ZHX3: variants seen among roughly 807,000 people sequenced by gnomAD.
The protein encoded by ZHX3 is zinc fingers and homeoboxes 3, also known as zinc fingers and homeoboxes protein 3.
A neutral mutation model predicts 64.5 loss-of-function variants in ZHX3; 20 were observed. The ratio of observed to expected loss-of-function variants is 0.31; its 90% CI spans 0.22 to 0.45. The LOEUF (loss-of-function observed/expected upper bound fraction) is 0.45. Ranked by LOEUF, ZHX3 falls within the 20% of genes least tolerant of loss-of-function variation. The pLI, the probability that ZHX3 is intolerant of heterozygous loss-of-function variation, is 1.00. For missense variants in ZHX3, 1,041 were observed against 1,195.8 expected (o/e 0.87, Z 1.91); for synonymous variants, 423 against 461.6 (o/e 0.92, Z 1.07).
In ZHX3 at chr20:41,271,241, AT is replaced by A. The variant is rs1460290334; in HGVS notation, c.-244-2159del. Among the ~76,000 whole-genome samples, 4 of 152,068 alleles carry A rather than the reference AT, an allele frequency of 2.6e-5. No individual in the cohort carries two copies. The East Asian group carries it at 7.7e-4, about 29-fold the overall frequency. ...TCACCATGTTGGCCAGATGGTCTCG[AT>A]CTCTTGACCTCGTGATCCACCCACC... On this transcript the variant is annotated intron_variant, in intron 1 of 3. Transcript: ENST00000683867.
At chr20:41,275,346 G>A (rs186718192) in intron 1 of ZHX3, among the ~76,000 whole-genome samples, 40 of 152,262 alleles carry the variant, frequency 2.6e-4, no homozygotes, top group Admixed American at 2.2e-3. Flanking sequence ...TGCTTTGGCA[G>A]AGCATGTTAG....
chr20:41,263,695 G>A (rs1037867113), intron 2 of ZHX3, among the ~76,000 whole-genome samples: 1 of 151,956 alleles, frequency 6.6e-6, no homozygotes, highest in South Asian at 2.1e-4. Flanking sequence ...CACCACTCCC[G>A]GCTGAGGATT....
intron 2 of ZHX3, among the ~76,000 whole-genome samples, chr20:41,206,514 C>T (rs1431205961): frequency 6.6e-6 from 1 of 152,140 alleles, no homozygotes; most frequent in Non-Finnish European, 1.5e-5. Flanking sequence ...CATGCACAAG[C>T]TTCAGTAGCC....
At chr20:41,233,618 A>G (rs546489602) in intron 2 of ZHX3, among the ~76,000 whole-genome samples, 4 of 152,350 alleles carry the variant, frequency 2.6e-5, no homozygotes, top group Admixed American at 2.6e-4. Flanking sequence ...GTAGGGGAAC[A>G]TGGATAGATA....
intron 1 of ZHX3, among the ~76,000 whole-genome samples, chr20:41,292,836 A>C (rs1458882219): frequency 1.3e-5 from 2 of 152,280 alleles, no homozygotes; most frequent in African/African-American, 2.4e-5. Flanking sequence ...ACTCAAAAAA[A>C]CAGTATACAC....
At position 41,226,927 on chromosome 20, in the gene ZHX3, C is replaced by T. The variant is rs1016394999; in HGVS notation, c.-150-21861G>A. ...TAGAGGGCTATGGCTCTACCTTAGT[C>T]GGCCCAGGACAGTTTCTAAAATGTT... On this transcript the variant is annotated intron_variant, in intron 2 of 3. Coordinates refer to ENST00000683867, the MANE Select transcript of ZHX3 (RefSeq NM_001384317.1). This position sits in a 1 kb window ranked among gnomAD's most constrained non-coding sequence, Gnocchi z 4.4. Among the ~76,000 whole-genome samples, 7 of 152,156 alleles carry T rather than the reference C, an allele frequency of 4.6e-5. No homozygotes were observed. Among genetic ancestry groups the T allele is most frequent in the African/African-American group, 9.7e-5 (4 of 41,426 alleles).
intron 2 of ZHX3, among the ~76,000 whole-genome samples, chr20:41,220,923 A>G (rs1479162955): frequency 6.6e-6 from 1 of 151,928 alleles, no homozygotes; most frequent in East Asian, 1.9e-4. Context: ...TCCTGGACTC[A>G]AGTGACCCAC....
chr20:41,254,808 A>G (rs2042154511), intron 2 of ZHX3, among the ~76,000 whole-genome samples: 1 of 152,326 alleles, frequency 6.6e-6, no homozygotes, highest in African/African-American at 2.4e-5. Context: ...GGACATAATG[A>G]TGAATGCCTA....
At chr20:41,236,590 C>G (rs918777963) in intron 2 of ZHX3, among the ~76,000 whole-genome samples, 1 of 152,156 alleles carries the variant, frequency 6.6e-6, no homozygotes, top group African/African-American at 2.4e-5. Flanking sequence ...GAAACTGGAT[C>G]CCTTCCTTAC....
In ZHX3 at chr20:41,202,153, C is replaced by G; in HGVS notation, c.2764G>C (p.Glu922Gln). The change falls in exon 3 of 4, where the codon GAG becomes CAG. Residue 922 changes from glutamate to glutamine, a missense_variant. Physicochemically the swap from Glu to Gln is conservative, Grantham distance 29. Around this residue, in one of 4 missense-constraint regions of ZHX3, gnomAD observed 649 missense variants for 739.8 expected, o/e 0.88. Transcript: ENST00000683867. The surrounding 1 kb of genome is among the most constrained non-coding windows in gnomAD (Gnocchi z 7.0). ...VHKGMGDTYS[E>Q]VSENSESWEP... ...CACGACTCACTGTTCTCAGACACCT[C>G]TGAATAGGTGTCACCCATCCCTTTG... The G allele has an allele frequency of 6.2e-7, 1 of 1,614,206 alleles. No individual in the cohort carries two copies. Among genetic ancestry groups the G allele is most frequent in the Non-Finnish European group, 8.5e-7 (1 of 1,180,040 alleles).
At chr20:41,310,773 T>C in intron 1 of ZHX3, among the ~76,000 whole-genome samples, 1 of 150,072 alleles carries the variant, frequency 6.7e-6, no homozygotes, top group East Asian at 1.9e-4. Context: ...AGAATAATTA[T>C]AAATCCCAAC....
chr20:41,221,323 A>C (rs1266752761), intron 2 of ZHX3, among the ~76,000 whole-genome samples: 1 of 152,204 alleles, frequency 6.6e-6, no homozygotes, highest in Non-Finnish European at 1.5e-5. Flanking sequence ...TCCCCTGAAA[A>C]ATATGGATCA....
In ZHX3 at chr20:41,201,990, T is replaced by G. The variant is rs564401386; in HGVS notation, c.2860+67A>C. The G allele has an allele frequency of 7.4e-5, 111 of 1,490,996 alleles. No individual in the cohort carries two copies. Among genetic ancestry groups the G allele is most frequent in the Admixed American group, 3.0e-4 (12 of 40,492 alleles). 92.4% of individuals were successfully genotyped at this position (1,490,996 alleles called of 1,614,324 possible). On this transcript the variant is annotated intron_variant, in intron 3 of 3. Transcript: ENST00000683867. The surrounding 1 kb of genome is among the most constrained non-coding windows in gnomAD (Gnocchi z 5.0). ...AGATGCCCCTGTGCAGTAAATTCAGTGCCCAACCATAAGTGCCTCCTCCCC... is the reference window on the plus strand; with the variant it reads ...AGATGCCCCTGTGCAGTAAATTCAGGGCCCAACCATAAGTGCCTCCTCCCC...
intron 2 of ZHX3, among the ~76,000 whole-genome samples, chr20:41,215,157 T>C (rs1389404238): frequency 6.6e-6 from 1 of 152,122 alleles, no homozygotes; most frequent in African/African-American, 2.4e-5. Flanking sequence ...ATCGGGAAGC[T>C]GAGGCAGGAG....
chr20:41,304,654 G>A (rs942982408), intron 1 of ZHX3, among the ~76,000 whole-genome samples: 2 of 152,162 alleles, frequency 1.3e-5, no homozygotes, highest in African/African-American at 2.4e-5. Context: ...ACTGGCTCAC[G>A]CAATTGTAGG....
rs1568815349 is a variant in ZHX3, at chr20:41,203,321, G to T, written c.1596C>A (p.Gly532=). 1 of 1,614,168 alleles carries T rather than the reference G, an allele frequency of 6.2e-7. No homozygotes were observed. Among genetic ancestry groups the T allele is most frequent in the Non-Finnish European group, 8.5e-7 (1 of 1,180,018 alleles). Residue 532 remains glycine, a synonymous_variant, in exon 3 of 4, where the codon GGC becomes GGA. Coordinates refer to ENST00000683867, the MANE Select transcript of ZHX3 (RefSeq NM_001384317.1). This position sits in a 1 kb window ranked among gnomAD's most constrained non-coding sequence, Gnocchi z 7.1. Reference sequence around the variant, plus strand: ...ATTTCCGCACCTCTCTGGTACTGAGGCCCGTCACTTTTGTGAGATGTTCAA... The same window carrying T: ...ATTTCCGCACCTCTCTGGTACTGAGTCCCGTCACTTTTGTGAGATGTTCAA... The part of the protein sequence containing the change: ...SEVEHLTKVT[G]LSTREVRKWF...
rs117099903 is a variant in ZHX3, at chr20:41,282,416, C to T, written c.-244-13333G>A. Among the ~76,000 whole-genome samples the T allele has an allele frequency of 3.3e-3, 415 of 127,634 alleles. 3 individuals carry two copies. The highest frequency in any genetic ancestry group is 0.018 in the South Asian group (72 of 3,920). 83.7% of individuals were successfully genotyped at this position (127,634 alleles called of 152,430 possible). A position where few individuals can be genotyped will look rare whatever the true frequency, so the allele number is the denominator to read the frequency against. On this transcript the variant is annotated intron_variant, in intron 1 of 3. Transcript: ENST00000683867. ...GCTTTGTCACCAGGCTGGAGAACAG[C>T]GGCGCTATCTTGGCTCACTGCAACA...
intron 1 of ZHX3, among the ~76,000 whole-genome samples, chr20:41,285,689 G>A (rs902168264): frequency 3.3e-5 from 5 of 152,238 alleles, no homozygotes; most frequent in South Asian, 2.1e-4. Flanking sequence ...TTAGAAGCAT[G>A]AATTATAGGG....
chr20:41,185,256 C>A lies in ZHX3; in HGVS notation c.2861-55G>T. 1.3e-6 allele frequency: 2 copies of A among 1,555,488 alleles called. No homozygotes were observed. The highest frequency in any genetic ancestry group is 2.5e-5 in the South Asian group (2 of 81,350). ...ACGGCAGCTGCCACCACCTGCCCCC[C>A]AGGCAGCCTGGTCCTTGCTATACCA... On this transcript the variant is annotated intron_variant, in intron 3 of 3. Coordinates refer to ENST00000683867, the MANE Select transcript of ZHX3 (RefSeq NM_001384317.1). This position sits in a 1 kb window ranked among gnomAD's most constrained non-coding sequence, Gnocchi z 5.0.
Sources: gnomAD v4.1 joint callset for allele counts (sites outside exome capture counted in the v4.1 genomes callset) on GRCh38, gnomAD v4.1.1 for gene constraint, gnomAD v4.1.1 regional missense constraint, Gnocchi (gnomAD v3.1) non-coding constraint, MANE v1.5 for transcripts, NCBI Gene and HGNC (gene_info 2026-07-23, HGNC 2026-07-21) for gene names.